The following ANKS1B variants were observed in gnomAD, a reference collection of about 807,000 sequenced individuals.
The protein encoded by ANKS1B is ankyrin repeat and sterile alpha motif domain containing 1B.
Under a neutral mutation model 148.3 loss-of-function variants are expected in ANKS1B, and 36 were observed. The ratio of observed to expected loss-of-function variants is 0.24; its 90% CI spans 0.19 to 0.32. The LOEUF is 0.32. ANKS1B is among the 10% of genes least tolerant of loss of function. ANKS1B has a pLI of 1.00. For synonymous variants in ANKS1B, 542 were observed against 560.8 expected (o/e 0.97, Z 0.47); for missense variants, 1,157 against 1,542.6 (o/e 0.75, Z 4.19).
At chr12:99,856,345 C>T (rs1459657246) in intron 1 of ANKS1B, among the ~76,000 whole-genome samples, 1 of 151,960 alleles carries the variant, frequency 6.6e-6, no homozygotes, top group South Asian at 2.1e-4. Flanking sequence ...AATATACAGC[C>T]CTCCTACATT....
chr12:99,877,857 G>C (rs2092221936), intron 1 of ANKS1B, among the ~76,000 whole-genome samples: 1 of 152,112 alleles, frequency 6.6e-6, no homozygotes, highest in Non-Finnish European at 1.5e-5. Context: ...ACAGGAGTTT[G>C]AGACCAGCCT....
chr12:99,770,308 A>T (rs569526592), intron 8 of ANKS1B, among the ~76,000 whole-genome samples: 17 of 152,304 alleles, frequency 1.1e-4, no homozygotes, highest in African/African-American at 3.8e-4. Context: ...AAGTCTCCTT[A>T]GGATAGGTGT....
intron 16 of ANKS1B, among the ~76,000 whole-genome samples, chr12:99,077,069 A>C (rs79446591): frequency 1.2e-4 from 19 of 152,142 alleles, no homozygotes; most frequent in African/African-American, 4.1e-4. Flanking sequence ...AAAGCAAAAC[A>C]AAAAAAACCC....
At chr12:99,879,151 G>A (rs908554897) in intron 1 of ANKS1B, among the ~76,000 whole-genome samples, 2 of 152,114 alleles carry the variant, frequency 1.3e-5, no homozygotes, top group East Asian at 3.9e-4. Context: ...TCCTCATCAG[G>A]GAAGCCCACA....
intron 14 of ANKS1B, among the ~76,000 whole-genome samples, chr12:99,183,679 T>C (rs1410714665): frequency 6.6e-6 from 1 of 152,106 alleles, no homozygotes; most frequent in East Asian, 1.9e-4. Context: ...AAATCATTGG[T>C]CAAGGAAGTT....
chr12:99,139,107 T>C (rs2069189180), intron 15 of ANKS1B, among the ~76,000 whole-genome samples: 1 of 151,410 alleles, frequency 6.6e-6, no homozygotes, highest in Non-Finnish European at 1.5e-5. Flanking sequence ...GCTTAAGCAA[T>C]CCTTGCGCCT....
At chr12:99,640,187 CTTAA>C (rs1053124961) in intron 9 of ANKS1B, among the ~76,000 whole-genome samples, 2 of 151,964 alleles carry the variant, frequency 1.3e-5, no homozygotes, top group Non-Finnish European at 2.9e-5. Flanking sequence ...AAATAAATAA[CTTAA>C]TTAATTAAAA....
chr12:98,911,884 C>T (rs1400141582), intron 17 of ANKS1B, among the ~76,000 whole-genome samples: 6 of 152,186 alleles, frequency 3.9e-5, no homozygotes, highest in Non-Finnish European at 8.8e-5. Context: ...CAAATCTAGT[C>T]TCTCCTCAAT....
intron 15 of ANKS1B, among the ~76,000 whole-genome samples, chr12:99,125,191 T>C (rs886547323): frequency 6.6e-6 from 1 of 152,100 alleles, no homozygotes; most frequent in East Asian, 1.9e-4. Flanking sequence ...GTGAAGCCTT[T>C]GAGTAGACAA....
chr12:99,830,905 T>G (rs780167584), intron 1 of ANKS1B, among the ~76,000 whole-genome samples: 3 of 152,270 alleles, frequency 2.0e-5, no homozygotes, highest in African/African-American at 4.8e-5. Context: ...CCTAGAAAGT[T>G]TTTTCCTCAA....
chr12:99,345,251 G>A (rs1442012762), intron 12 of ANKS1B, among the ~76,000 whole-genome samples: 1 of 152,032 alleles, frequency 6.6e-6, no homozygotes, highest in Non-Finnish European at 1.5e-5. Flanking sequence ...CAGTGGACAA[G>A]ATCTAGAGAT....
intron 19 of ANKS1B, among the ~76,000 whole-genome samples, chr12:98,812,201 T>C (rs888508694): frequency 5.9e-5 from 9 of 152,172 alleles, no homozygotes; most frequent in African/African-American, 2.2e-4. Flanking sequence ...AAGACTACAA[T>C]ACCATATATT....
chr12:99,800,095 A>C (rs1221436864), intron 4 of ANKS1B, among the ~76,000 whole-genome samples: 1 of 152,122 alleles, frequency 6.6e-6, no homozygotes. Flanking sequence ...CCTAACCTCC[A>C]GTGTGACTGT....
intron 1 of ANKS1B, among the ~76,000 whole-genome samples, chr12:99,967,962 G>A (rs2153836066): frequency 6.6e-6 from 1 of 151,776 alleles, no homozygotes; most frequent in Admixed American, 6.6e-5. Context: ...ATGGTATGAG[G>A]GAATAAAATG....
chr12:99,770,625 G>A (rs936735951), intron 8 of ANKS1B, among the ~76,000 whole-genome samples: 1 of 151,904 alleles, frequency 6.6e-6, no homozygotes, highest in Non-Finnish European at 1.5e-5. Context: ...TGAAAGGTCA[G>A]TTCCAATGAT....
At chr12:99,240,106 G>A (rs149767742) in intron 14 of ANKS1B, among the ~76,000 whole-genome samples, 8,571 of 152,176 alleles carry the variant, frequency 0.056, 514 homozygotes, top group East Asian at 0.22. Flanking sequence ...CCTATTAAAA[G>A]ACACAGACTG....
chr12:99,960,275 G>A (rs916460752), intron 1 of ANKS1B, among the ~76,000 whole-genome samples: 1 of 152,194 alleles, frequency 6.6e-6, no homozygotes, highest in African/African-American at 2.4e-5. Flanking sequence ...TTTCTTCTGG[G>A]CTGTGACCAT....
intron 17 of ANKS1B, among the ~76,000 whole-genome samples, chr12:98,874,712 A>G (rs2099683352): frequency 1.3e-5 from 2 of 152,210 alleles, no homozygotes; most frequent in Admixed American, 6.5e-5. Flanking sequence ...TAACAAATAT[A>G]TCTGTATGTT....
intron 17 of ANKS1B, among the ~76,000 whole-genome samples, chr12:98,875,711 CG>C (rs1222754368): frequency 6.6e-6 from 1 of 152,070 alleles, no homozygotes; most frequent in Admixed American, 6.6e-5. Flanking sequence ...ACAGTAGGCC[CG>C]TATGTACATG....
Sources: allele counts gnomAD v4.1 joint callset (sites outside exome capture counted in the v4.1 genomes callset), GRCh38; gene constraint gnomAD v4.1.1; transcripts MANE v1.5; gene names NCBI Gene and HGNC (gene_info 2026-07-23, HGNC 2026-07-21).